TMEM63A: variants seen among roughly 807,000 people sequenced by gnomAD.
The protein encoded by TMEM63A is mechanosensitive cation channel TMEM63A.
TMEM63A carries 76 observed loss-of-function variants against 100.6 expected under a neutral mutation model. The observed-to-expected ratio is 0.76, with a 90% CI of 0.63 to 0.91. TMEM63A has a LOEUF of 0.91. Ranked by LOEUF, TMEM63A falls within the 40% of genes least tolerant of loss-of-function variation. The pLI is 0.00. For missense variants in TMEM63A, 876 were observed against 1,008.8 expected (o/e 0.87, Z 1.78); for synonymous variants, 401 against 401.1 (o/e 1.00, Z 0.00).
intron 10 of TMEM63A, chr1:225,863,859 T>G (rs1170342142): frequency 7.9e-6 from 1 of 126,090 alleles, no homozygotes. Context: ...GAGGTTGCAG[T>G]GAGCAAGATT....
At chr1:225,849,628 G>C (rs1031532995) in intron 21 of TMEM63A, among the ~76,000 whole-genome samples, 4 of 152,244 alleles carry the variant, frequency 2.6e-5, no homozygotes, top group Admixed American at 1.3e-4. Context: ...TTAGGAGCCA[G>C]GCTGTCAACA....
At chr1:225,878,129 C>T (rs969767051) in intron 2 of TMEM63A, among the ~76,000 whole-genome samples, 1 of 152,196 alleles carries the variant, frequency 6.6e-6, no homozygotes, top group Admixed American at 6.5e-5. Flanking sequence ...ACTCCCACTG[C>T]TCACAGAATG....
rs1373987611 is a variant in TMEM63A at position 225,855,890 on chromosome 1, G to GAGGC, written c.1618_1621dup (p.Ser541CysfsTer12). On this transcript the variant is annotated frameshift_variant, in exon 18 of 25. Coordinates refer to ENST00000366835, the MANE Select transcript of TMEM63A (RefSeq NM_014698.3). LOFTEE classifies it high-confidence loss of function. ...TGGCAATACTCACTCCAACCTGATG[G>GAGGC]AGGCCTCCGAGGAAGTTTTGTCAAA... is the stretch of plus-strand genomic sequence containing the variant. 2 of 1,613,946 alleles carry GAGGC rather than the reference G, an allele frequency of 1.2e-6. No homozygotes were observed. The highest frequency in any genetic ancestry group is 2.7e-5 in the African/African-American group (2 of 74,912).
intron 23 of TMEM63A, 194 bp from the exon 24 acceptor site, chr1:225,847,407 A>G: frequency 1.6e-6 from 1 of 622,228 alleles, no homozygotes; most frequent in South Asian, 2.2e-5. Flanking sequence ...AGGGCAAAAG[A>G]GAAAGCACAG....
intron 4 of TMEM63A, 41 bp from the exon 5 acceptor site, chr1:225,872,094 G>GAAA: frequency 4.7e-6 from 5 of 1,067,436 alleles, no homozygotes; most frequent in African/African-American, 3.5e-5. Flanking sequence ...ATAATTCTTA[G>GAAA]AAAAAAAAAA....
At chr1:225,843,103 A>G (rs1668566789), downstream of TMEM63A, among the ~76,000 whole-genome samples, 1 of 152,230 alleles carries the variant, frequency 6.6e-6, no homozygotes, top group Non-Finnish European at 1.5e-5. Context: ...TGTCTTGGCC[A>G]TGCTGTAGCC....
intron 1 of TMEM63A, among the ~76,000 whole-genome samples, chr1:225,879,924 A>G (rs926025098): frequency 3.9e-5 from 6 of 152,204 alleles, no homozygotes; most frequent in Non-Finnish European, 8.8e-5. Flanking sequence ...CAGAGAGAGC[A>G]TTGTCCCTGG....
intron 20 of TMEM63A, among the ~76,000 whole-genome samples, chr1:225,851,514 C>G (rs773874001): frequency 6.6e-6 from 1 of 152,020 alleles, no homozygotes; most frequent in African/African-American, 2.4e-5. Context: ...GGATTACAGG[C>G]GCCTGCCACC....
At chr1:225,859,649 G>GTTTTT (rs57486744) in intron 14 of TMEM63A, 590 of 268,630 alleles carry the variant, frequency 2.2e-3, no homozygotes, top group South Asian at 6.2e-3. Flanking sequence ...TTCTTTTTCT[G>GTTTTT]TTTTTTTTTT....
intron 4 of TMEM63A, among the ~76,000 whole-genome samples, chr1:225,872,689 CTTTTTTTTTTTT>C (rs67884791): frequency 2.2e-4 from 19 of 87,064 alleles, no homozygotes; most frequent in Non-Finnish European, 4.3e-4. Flanking sequence ...TGCTTTTCTT[CTTTTTTTTTTTT>C]TTTTTTTTTT....
In TMEM63A at chr1:225,848,990, C is replaced by G. The variant is rs1461360869; in HGVS notation, c.2094G>C (p.Leu698=). ...LRLGMKAPAT[L]FTFLVLLLTI... ...TGAGCAGCAGCACCAGGAAGGTGAA[C>G]AGAGTGGCGGGGGCCTTCATACCTG... Residue 698 remains leucine (L), a synonymous_variant, in exon 22 of 25, where the codon CTG becomes CTC. Coordinates refer to ENST00000366835, the MANE Select transcript of TMEM63A (RefSeq NM_014698.3). The G allele has an allele frequency of 2.5e-6, 4 of 1,592,494 alleles. No homozygotes were observed. Among genetic ancestry groups the G allele is most frequent in the African/African-American group, 2.7e-5 (2 of 74,476 alleles).
At chr1:225,876,130 A>C (rs1670791691) in intron 3 of TMEM63A, among the ~76,000 whole-genome samples, 2 of 131,130 alleles carry the variant, frequency 1.5e-5, no homozygotes, top group Middle Eastern at 4.0e-3. Flanking sequence ...ATAGAGGGTG[A>C]CTCTCTTCTC....
chr1:225,863,162 T>G, intron 10 of TMEM63A: 1 of 324,654 alleles, frequency 3.1e-6, no homozygotes, highest in Non-Finnish European at 5.9e-6. Flanking sequence ...CAATCAATCC[T>G]CCCACCTCAG....
intron 9 of TMEM63A, 146 bp downstream of exon 9, chr1:225,866,428 G>A: frequency 1.5e-6 from 1 of 657,422 alleles, no homozygotes; most frequent in Non-Finnish European, 2.6e-6. Flanking sequence ...GGTGCCAAGT[G>A]TGAGCAAGAA....
chr1:225,877,787 T>C, intron 2 of TMEM63A, 193 bp from the exon 3 acceptor site: 2 of 543,630 alleles, frequency 3.7e-6, no homozygotes, highest in Non-Finnish European at 3.3e-6. Context: ...AATGGCTGCA[T>C]TGTGGGACAA....
At chr1:225,856,536 C>G in intron 17 of TMEM63A, 116 bp downstream of exon 17, 1 of 1,023,758 alleles carries the variant, frequency 9.8e-7, no homozygotes, top group Non-Finnish European at 1.5e-6. Context: ...TTGCGACAGG[C>G]TTAGATATTG....
rs147799127 is a variant in TMEM63A, at chr1:225,876,005, G to A, written c.186+1390C>T. Among the ~76,000 whole-genome samples, 16 of 130,634 alleles carry A rather than the reference G, an allele frequency of 1.2e-4. No individual in the cohort carries two copies. The East Asian group carries it at 1.9e-3, about 16-fold the overall frequency. 85.7% of individuals were successfully genotyped at this position (130,634 alleles called of 152,430 possible). A position where few individuals can be genotyped will look rare whatever the true frequency, so the allele number is the denominator to read the frequency against. On this transcript the variant is annotated intron_variant, in intron 3 of 24. Transcript: ENST00000366835. ...TGCTTGAGCCCAGGAGGAGGAAGTCGCAGTGAATTGTGATTATGCCACTGT... is the reference window on the plus strand; with the variant it reads ...TGCTTGAGCCCAGGAGGAGGAAGTCACAGTGAATTGTGATTATGCCACTGT...
chr1:225,856,530 G>C, intron 17 of TMEM63A, 122 bp downstream of exon 17: 1 of 933,450 alleles, frequency 1.1e-6, no homozygotes. Flanking sequence ...GAGTGGTTGC[G>C]ACAGGCTTAG....
At chr1:225,856,784 A>G (rs1002768720) in intron 16 of TMEM63A, 46 bp from the exon 17 acceptor site, 16 of 1,597,940 alleles carry the variant, frequency 1.0e-5, no homozygotes, top group South Asian at 5.6e-5. Context: ...CAAATGCTCT[A>G]TGTGCCCCCA....
Sources: gnomAD v4.1 joint callset for allele counts (sites outside exome capture counted in the v4.1 genomes callset) on GRCh38, gnomAD v4.1.1 for gene constraint, MANE v1.5 for transcripts, NCBI Gene and HGNC (gene_info 2026-07-23, HGNC 2026-07-21) for gene names.